The following DHX36 variants were observed in gnomAD, a reference collection of about 807,000 sequenced individuals.
The protein encoded by DHX36 is DEAH-box helicase 36.
Under a neutral mutation model 139.0 loss-of-function variants are expected in DHX36, and 50 were observed. The ratio of observed to expected loss-of-function variants is 0.36; its 90% CI spans 0.29 to 0.46. The LOEUF (loss-of-function observed/expected upper bound fraction) is 0.46. DHX36 is among the 20% of genes least tolerant of loss of function. The pLI is 1.00. For synonymous variants in DHX36, 425 were observed against 401.9 expected (o/e 1.06, Z -0.69); for missense variants, 1,024 against 1,211.3 (o/e 0.85, Z 2.29).
At position 154,274,137 on chromosome 3, in the gene DHX36, G is replaced by A. The variant is rs1238284686; in HGVS notation, c.*2034C>T. ...AGCCTGGGCAACATGGTGAAACGGTGTCTCTACAAAAAATACAGAAATTAG... is the reference window on the plus strand; with the variant it reads ...AGCCTGGGCAACATGGTGAAACGGTATCTCTACAAAAAATACAGAAATTAG... On this transcript the variant is annotated 3_prime_UTR_variant, in exon 25 of 25. Transcript: ENST00000496811. 1 of 152,456 alleles carries A rather than the reference G, an allele frequency of 6.6e-6. No individual in the cohort carries two copies. Among genetic ancestry groups the A allele is most frequent in the Admixed American group, 6.6e-5 (1 of 15,256 alleles). 9.4% of individuals were successfully genotyped at this position (152,456 alleles called of 1,614,324 possible).
Position 154,283,177 on chromosome 3 carries a change from T to G in DHX36, c.2376+11A>C. On this transcript the variant is annotated intron_variant, in intron 20 of 24. Transcript: ENST00000496811. ...CATATATGATAATTACTGCAAAACATTCACCATTACCTGCAGTGTGTTTGA... is the reference window on the plus strand; with the variant it reads ...CATATATGATAATTACTGCAAAACAGTCACCATTACCTGCAGTGTGTTTGA... 1 of 1,593,428 alleles carries G rather than the reference T, an allele frequency of 6.3e-7. No homozygotes were observed. The highest frequency in any genetic ancestry group is 8.6e-7 in the Non-Finnish European group (1 of 1,161,368).
intron 6 of DHX36, 26 bp downstream of exon 6, chr3:154,306,190 G>A (rs1231240660): frequency 6.5e-7 from 1 of 1,534,714 alleles, no homozygotes; most frequent in Admixed American, 1.7e-5. Flanking sequence ...AAATCTGCCT[G>A]TATATAAGAA....
chr3:154,314,888 C>T (rs1712902398), intron 3 of DHX36, 158 bp downstream of exon 3: 4 of 590,662 alleles, frequency 6.8e-6, no homozygotes, highest in Admixed American at 3.2e-5. Context: ...TCCATTCCCA[C>T]TGCTTTTCTC....
chr3:154,315,226 G>A lies in DHX36; in HGVS notation c.423C>T (p.Asp141=), dbSNP rs1273924109. The A allele has an allele frequency of 6.2e-7, 1 of 1,613,120 alleles. No individual in the cohort carries two copies. Among genetic ancestry groups the A allele is most frequent in the East Asian group, 2.2e-5 (1 of 44,772 alleles). The change falls in exon 3 of 25, where the codon GAC becomes GAT. Residue 141 remains aspartate, a synonymous_variant. Coordinates refer to ENST00000496811, the MANE Select transcript of DHX36 (RefSeq NM_020865.3). Reference sequence around the variant, plus strand: ...GATTTATCAACTTCTTTTCCTGGATGTCAAGTTTGTTCTCTGAGCATGGTG... The same window carrying A: ...GATTTATCAACTTCTTTTCCTGGATATCAAGTTTGTTCTCTGAGCATGGTG... ...KNTPCSENKL[D]IQEKKLINQE... is the part of the protein sequence containing the mutation.
chr3:154,275,074 A>T lies in DHX36; in HGVS notation c.*1097T>A, dbSNP rs1165879861. ...CTAGCCTATGTGCTTTACATGTATT[A>T]ATGTACTTCATCCTCACAACTGTTA... is the stretch of plus-strand genomic sequence containing the variant. On this transcript the variant is annotated 3_prime_UTR_variant, in exon 25 of 25. Coordinates refer to ENST00000496811, the MANE Select transcript of DHX36 (RefSeq NM_020865.3). 6.6e-6 allele frequency: 1 copy of T among 152,200 alleles called. No homozygotes were observed. Among genetic ancestry groups the T allele is most frequent in the Non-Finnish European group, 1.5e-5 (1 of 68,034 alleles). The allele number at this position is 152,200 out of a possible 1,614,324, so 9.4% of individuals were successfully genotyped here.
chr3:154,324,421 C>T lies in DHX36; in HGVS notation c.-5G>A. The T allele has an allele frequency of 6.7e-7, 1 of 1,503,162 alleles. No homozygotes were observed. Among genetic ancestry groups the T allele is most frequent in the Non-Finnish European group, 8.9e-7 (1 of 1,126,246 alleles). The allele number at this position is 1,503,162 out of a possible 1,614,324, so 93.1% of individuals were successfully genotyped here. On this transcript the variant is annotated 5_prime_UTR_variant, in exon 1 of 25. Coordinates refer to ENST00000496811, the MANE Select transcript of DHX36 (RefSeq NM_020865.3). The stretch of plus-strand genomic sequence containing the variant: ...CTGATGGTAGTCATAACTCATTGTC[C>T]TGGCAGACTACAACCCGTCAGAACC...
At chr3:154,302,669 G>A (rs1712344847) in intron 9 of DHX36, among the ~76,000 whole-genome samples, 1 of 152,126 alleles carries the variant, frequency 6.6e-6, no homozygotes, top group South Asian at 2.1e-4. Context: ...TATATTTAAA[G>A]GTTCGGCAAT....
intron 15 of DHX36, among the ~76,000 whole-genome samples, chr3:154,290,360 G>A (rs1036927120): frequency 3.3e-5 from 5 of 152,060 alleles, no homozygotes; most frequent in African/African-American, 4.8e-5. Flanking sequence ...TGTAGGCCGG[G>A]CGCGATGGCT....
chr3:154,288,213 G>C (rs569791312), intron 17 of DHX36, among the ~76,000 whole-genome samples: 6 of 148,256 alleles, frequency 4.0e-5, no homozygotes, highest in Non-Finnish European at 8.9e-5. Flanking sequence ...CAATACATTT[G>C]AATCTCATAA....
intron 4 of DHX36, among the ~76,000 whole-genome samples, chr3:154,310,468 T>G (rs1378615821): frequency 6.6e-6 from 1 of 151,854 alleles, no homozygotes; most frequent in African/African-American, 2.4e-5. Flanking sequence ...ACAATTTAAC[T>G]TGAAAACCTA....
chr3:154,322,637 C>T (rs1221802873), intron 1 of DHX36, among the ~76,000 whole-genome samples: 4 of 152,208 alleles, frequency 2.6e-5, no homozygotes, highest in Non-Finnish European at 5.9e-5. Flanking sequence ...ATGAAAAGTT[C>T]CATTCATAAC....
intron 3 of DHX36, chr3:154,314,783 G>GT (rs537242984): frequency 2.6e-3 from 758 of 293,972 alleles, no homozygotes; most frequent in South Asian, 4.2e-3. Context: ...TGAAGAGTAA[G>GT]TTTTTTTTTC....
chr3:154,301,039 C>G lies in DHX36; in HGVS notation c.1306G>C (p.Glu436Gln). ...GGCCAACGTTCTTTATATATTGCTT[C>G]TTTTTCTTCTTTTTCTTGTCTATTT... ...HVNRQEKEEK[E>Q]AIYKERWPDY... is the part of the protein sequence containing the mutation. The change falls in exon 10 of 25, where the codon GAA (glutamate) becomes CAA (glutamine). Residue 436 changes from glutamate (E) to glutamine (Q), a missense_variant. Glu to Gln is a conservative substitution (Grantham distance 29). Transcript: ENST00000496811. The G allele has an allele frequency of 6.2e-7, 1 of 1,608,844 alleles. No individual in the cohort carries two copies. Among genetic ancestry groups the G allele is most frequent in the Non-Finnish European group, 8.5e-7 (1 of 1,176,626 alleles).
intron 17 of DHX36, 62 bp from the exon 18 acceptor site, chr3:154,285,049 T>G: frequency 1.2e-5 from 18 of 1,541,962 alleles, no homozygotes; most frequent in Non-Finnish European, 1.6e-5. Flanking sequence ...AAAACGATTT[T>G]AGCTTGCTTT....
chr3:154,315,444 A>T (rs1265136407), intron 2 of DHX36, among the ~76,000 whole-genome samples, 164 bp from the exon 3 acceptor site: 1 of 152,134 alleles, frequency 6.6e-6, no homozygotes, highest in Non-Finnish European at 1.5e-5. Flanking sequence ...TTAGATTCTT[A>T]TAATAAATTC....
chr3:154,291,781 GA>G (rs1407797268), intron 15 of DHX36, among the ~76,000 whole-genome samples: 1 of 152,104 alleles, frequency 6.6e-6, no homozygotes, highest in Admixed American at 6.5e-5. Flanking sequence ...AGAGGCAAAA[GA>G]AAAACCCTCT....
rs745616345 is a variant in DHX36, at chr3:154,289,740, G to A, written c.1901C>T (p.Thr634Ile). ...DDYQLPEILR[T>I]PLEELCLQIK... ...TTGTAAACAAAGTTCTTCCAAAGGA[G>A]TTCTCAAAATTTCTGGCAGTTGATA... Residue 634 changes from threonine (T) to isoleucine (I), a missense_variant, in exon 16 of 25, where the codon ACT (threonine) becomes ATT (isoleucine). Around this residue, in one of 4 missense-constraint regions of DHX36, gnomAD observed 470 missense variants for 616.2 expected, o/e 0.76. Coordinates refer to ENST00000496811, the MANE Select transcript of DHX36 (RefSeq NM_020865.3). The A allele has an allele frequency of 6.2e-7, 1 of 1,611,792 alleles. No individual in the cohort carries two copies. Among genetic ancestry groups the A allele is most frequent in the Non-Finnish European group, 8.5e-7 (1 of 1,178,244 alleles).
chr3:154,303,116 C>A (rs768318151), intron 9 of DHX36, among the ~76,000 whole-genome samples: 15 of 152,016 alleles, frequency 9.9e-5, no homozygotes, highest in Non-Finnish European at 1.3e-4. Context: ...CTACCTCAGA[C>A]ACTGTAATGT....
At chr3:154,322,662 T>C (rs1042422959) in intron 1 of DHX36, among the ~76,000 whole-genome samples, 5 of 152,246 alleles carry the variant, frequency 3.3e-5, no homozygotes, top group African/African-American at 1.2e-4. Flanking sequence ...ACTGCACAAC[T>C]GGCTATACCC....
Sources: gnomAD v4.1 joint callset for allele counts (sites outside exome capture counted in the v4.1 genomes callset) on GRCh38, gnomAD v4.1.1 for gene constraint, gnomAD v4.1.1 regional missense constraint, MANE v1.5 for transcripts, NCBI Gene and HGNC (gene_info 2026-07-23, HGNC 2026-07-21) for gene names.